Variants in TRIT1 observed in about 807,000 individuals in gnomAD.
The protein encoded by TRIT1 is tRNA isopentenyltransferase 1.
A neutral mutation model predicts 51.2 loss-of-function variants in TRIT1; 43 were observed. That is an observed-to-expected ratio of 0.84 (90% CI 0.66 to 1.08). The LOEUF is 1.08. Ranked by LOEUF, TRIT1 falls within the 50% of genes least tolerant of loss-of-function variation. The pLI is 0.00. For synonymous variants in TRIT1, 184 were observed against 203.9 expected, an observed-to-expected ratio of 0.90 and a Z score of 0.83; for missense variants, 528 against 578.4, an observed-to-expected ratio of 0.91 and a Z score of 0.89.
At chr1:39,852,641 C>T (rs1423609231) in intron 4 of TRIT1, 90 bp downstream of exon 4, 19 of 1,500,716 alleles carry the variant, frequency 1.3e-5, no homozygotes, top group Non-Finnish European at 1.4e-5. Context: ...ACTGCTATTA[C>T]CAAATCTCTC....
At position 39,844,232 on chromosome 1, in the gene TRIT1, G is replaced by C; in HGVS notation, c.1117-14C>G. 2 of 1,576,850 alleles carry C rather than the reference G, an allele frequency of 1.3e-6. No homozygotes were observed. The highest frequency in any genetic ancestry group is 1.7e-6 in the Non-Finnish European group (2 of 1,146,526). The stretch of plus-strand genomic sequence containing the variant: ...AGGCTTGTGGCCCTAAAAGAACAAG[G>C]GTGGAAGGGAGTATTCAATTCAAAG... On this transcript the variant is annotated splice_polypyrimidine_tract_variant and intron_variant, in intron 9 of 10. Transcript: ENST00000316891.
chr1:39,848,075 C>G lies in TRIT1; in HGVS notation c.726G>C (p.Lys242Asn). Residue 242 changes from lysine (K) to asparagine (N), a missense_variant, in exon 6 of 11, where the codon AAG becomes AAC. Around this residue, in one of 3 missense-constraint regions of TRIT1, gnomAD observed 468 missense variants for 522.6 expected, o/e 0.90. Transcript: ENST00000316891. ...DQAVLDERLDKRVDDMLAAGL... is the reference protein window; with the variant it reads ...DQAVLDERLDNRVDDMLAAGL... ...CAGCAGCAAGCATGTCATCCACCCT[C>G]TTATCCAAGCGCTCATCTAGAACTT... 6.2e-7 allele frequency: 1 copy of G among 1,614,176 alleles called. No individual in the cohort carries two copies. Among genetic ancestry groups the G allele is most frequent in the South Asian group, 1.1e-5 (1 of 91,082 alleles).
chr1:39,866,487 G>T (rs887415507), intron 1 of TRIT1, among the ~76,000 whole-genome samples: 56 of 152,352 alleles, frequency 3.7e-4, no homozygotes, highest in African/African-American at 1.3e-3. Flanking sequence ...AGATGTTGAA[G>T]AGTACGGGAA....
At chr1:39,852,486 A>G in intron 4 of TRIT1, 1 of 439,034 alleles carries the variant, frequency 2.3e-6, no homozygotes, top group Non-Finnish European at 4.0e-6. Context: ...GCAACATTAT[A>G]TAGGCCCTAG....
At chr1:39,867,400 T>G (rs542538743) in intron 1 of TRIT1, among the ~76,000 whole-genome samples, 1 of 152,308 alleles carries the variant, frequency 6.6e-6, no homozygotes, top group South Asian at 2.1e-4. Context: ...CCGCCTTGGC[T>G]TCCCAAAGTG....
In TRIT1 at chr1:39,858,637, AG is replaced by A. The variant is rs1643038593; in HGVS notation, c.175-1221del. ...ATTTTAGTGTTACTGTTTAATACTC[AG>A]AAGGCTCTATGCTCTTAGTGACTGA... On this transcript the variant is annotated intron_variant, in intron 1 of 10. Coordinates refer to ENST00000316891, the MANE Select transcript of TRIT1 (RefSeq NM_017646.6). Among the ~76,000 whole-genome samples, 4 of 152,260 alleles carry A rather than the reference AG, an allele frequency of 2.6e-5. No homozygotes were observed. The South Asian group carries it at 8.3e-4, about 31-fold the overall frequency.
At chr1:39,860,505 T>C (rs982476172) in intron 1 of TRIT1, among the ~76,000 whole-genome samples, 5 of 152,160 alleles carry the variant, frequency 3.3e-5, no homozygotes, top group African/African-American at 1.2e-4. Flanking sequence ...AATGCAAATA[T>C]TACAAAATCA....
chr1:39,856,142 C>G (rs1233118414), intron 2 of TRIT1, among the ~76,000 whole-genome samples: 1 of 151,710 alleles, frequency 6.6e-6, no homozygotes, highest in East Asian at 1.9e-4. Context: ...CCGTCTCTAC[C>G]AAAGATACAA....
At chr1:39,880,988 C>T (rs925196421) in intron 1 of TRIT1, among the ~76,000 whole-genome samples, 1 of 151,822 alleles carries the variant, frequency 6.6e-6, no homozygotes, top group Non-Finnish European at 1.5e-5. Context: ...GAGGCTGGAG[C>T]GGGTGGATCA....
chr1:39,859,270 A>AAC (rs1643090326), intron 1 of TRIT1, among the ~76,000 whole-genome samples: 1 of 93,796 alleles, frequency 1.1e-5, no homozygotes, highest in Non-Finnish European at 2.1e-5. Context: ...CAAAAAAAAA[A>AAC]AAAAAAAAAA....
rs1251235434 is a variant in TRIT1 at position 39,838,329 on chromosome 1, G to T, written c.*3415C>A. 5.3e-5 allele frequency among the ~76,000 whole-genome samples: 8 copies of T among 152,216 alleles called. No homozygotes were observed. ...TTAACAATTGAAGCAGATCACTTAT[G>T]TAGAGACCTACTTAGTTTTTATGCT... On this transcript the variant is annotated 3_prime_UTR_variant, in exon 11 of 11. Transcript: ENST00000316891.
At chr1:39,852,631 A>C (rs1642648283) in intron 4 of TRIT1, 100 bp downstream of exon 4, 2 of 1,431,314 alleles carry the variant, frequency 1.4e-6, no homozygotes, top group African/African-American at 2.8e-5. Flanking sequence ...ATCTCCACTA[A>C]CTGCTATTAC....
At chr1:39,853,120 A>G (rs1348403484) in intron 3 of TRIT1, among the ~76,000 whole-genome samples, 1 of 152,204 alleles carries the variant, frequency 6.6e-6, no homozygotes, top group Non-Finnish European at 1.5e-5. Flanking sequence ...CAGAAGTTCA[A>G]ACAGGTACCA....
At chr1:39,854,566 T>C (rs1016762971) in intron 2 of TRIT1, among the ~76,000 whole-genome samples, 2 of 152,230 alleles carry the variant, frequency 1.3e-5, no homozygotes, top group Non-Finnish European at 1.5e-5. Flanking sequence ...TTAAGTGAGA[T>C]GCACAGGTTC....
intron 8 of TRIT1, among the ~76,000 whole-genome samples, chr1:39,846,661 A>G (rs1642241237): frequency 6.6e-6 from 1 of 152,216 alleles, no homozygotes; most frequent in Admixed American, 6.5e-5. Context: ...TTGAAGACTC[A>G]ATAATATATG....
chr1:39,883,309 C>T lies in TRIT1; in HGVS notation c.174+9G>A, dbSNP rs762299370. The T allele has an allele frequency of 1.2e-6, 2 of 1,600,444 alleles. No individual in the cohort carries two copies. The highest frequency in any genetic ancestry group is 2.2e-5 in the South Asian group (2 of 89,490). On this transcript the variant is annotated intron_variant, in intron 1 of 10. Coordinates refer to ENST00000316891, the MANE Select transcript of TRIT1 (RefSeq NM_017646.6). The stretch of plus-strand genomic sequence containing the variant: ...TCCCCAGGCGCCCGGGCCAGCCGCA[C>T]TGCCATACCTGCATGGAGTCAGCGC...
At chr1:39,872,956 G>C (rs1049518878) in intron 1 of TRIT1, among the ~76,000 whole-genome samples, 2 of 152,096 alleles carry the variant, frequency 1.3e-5, no homozygotes, top group African/African-American at 4.8e-5. Flanking sequence ...AAACTTTAAG[G>C]AGAAATAGGA....
At chr1:39,867,163 G>C (rs1465791519) in intron 1 of TRIT1, among the ~76,000 whole-genome samples, 1 of 151,634 alleles carries the variant, frequency 6.6e-6, no homozygotes, top group East Asian at 1.9e-4. Flanking sequence ...TTGTTTTTTT[G>C]AGATGGAGTT....
chr1:39,872,872 A>AAAAGGAAG (rs1643925669), intron 1 of TRIT1, among the ~76,000 whole-genome samples: 1 of 151,860 alleles, frequency 6.6e-6, no homozygotes, highest in Non-Finnish European at 1.5e-5. Context: ...AAAAGGAAGG[A>AAAAGGAAG]AAAGGAAGAA....
Sources: allele counts gnomAD v4.1 joint callset (sites outside exome capture counted in the v4.1 genomes callset), GRCh38; gene constraint gnomAD v4.1.1; regional missense constraint gnomAD v4.1.1; transcripts MANE v1.5; gene names NCBI Gene and HGNC (gene_info 2026-07-23, HGNC 2026-07-21).